ENO1: variants seen among roughly 807,000 people sequenced by gnomAD.
The protein encoded by ENO1 is enolase 1.
Under a neutral mutation model 46.3 loss-of-function variants are expected in ENO1, and 33 were observed. The observed-to-expected ratio is 0.71, with a 90% CI of 0.54 to 0.95. The LOEUF is 0.95. ENO1 is among the 40% of genes least tolerant of loss of function. ENO1 has a pLI of 0.00. For missense variants in ENO1, 488 were observed against 553.3 expected, an observed-to-expected ratio of 0.88 and a Z score of 1.18; for synonymous variants, 220 against 216.0, an observed-to-expected ratio of 1.02 and a Z score of -0.16.
At position 8,861,140 on chromosome 1, in the gene ENO1, G is replaced by A; in HGVS notation, c.*220C>T. Reference sequence around the variant, plus strand: ...GTGAGGCGAGAAAAACAATGACTTGGGCCAATTACACGACTGCAAAGCTAG... The same window carrying A: ...GTGAGGCGAGAAAAACAATGACTTGAGCCAATTACACGACTGCAAAGCTAG... On this transcript the variant is annotated 3_prime_UTR_variant, in exon 12 of 12. Coordinates refer to ENST00000234590, the MANE Select transcript of ENO1 (RefSeq NM_001428.5). 1 of 520,280 alleles carries A rather than the reference G, an allele frequency of 1.9e-6. No homozygotes were observed. Among genetic ancestry groups the A allele is most frequent in the Non-Finnish European group, 3.4e-6 (1 of 291,824 alleles). 32.2% of individuals were successfully genotyped at this position (520,280 alleles called of 1,614,324 possible).
At chr1:8,871,214 T>C in intron 3 of ENO1, 1 of 1,046,500 alleles carries the variant, frequency 9.6e-7, no homozygotes, top group East Asian at 7.5e-5. Context: ...TTTCACAACC[T>C]GATTTCATCA....
Position 8,874,863 on chromosome 1 carries a change from C to G in ENO1, c.46G>C (p.Gly16Arg). Reference protein sequence around the residue: ...IHAREIFDSRGNPTVEVDLFT... With the variant: ...IHAREIFDSRRNPTVEVDLFT... ...AGATCAACCTCAACAGTGGGATTCC[C>G]GCGAGAGTCAAAGATCTCCCTGGCA... The change falls in exon 2 of 12, where the codon GGG (glycine) becomes CGG (arginine). Residue 16 changes from glycine to arginine, a missense_variant. Coordinates refer to ENST00000234590, the MANE Select transcript of ENO1 (RefSeq NM_001428.5). 6.2e-7 allele frequency: 1 copy of G among 1,613,630 alleles called. No homozygotes were observed. The highest frequency in any genetic ancestry group is 8.5e-7 in the Non-Finnish European group (1 of 1,179,798).
chr1:8,874,577 C>CAAAAAAAAAAAAA (rs140269736), intron 2 of ENO1, among the ~76,000 whole-genome samples: 88 of 51,462 alleles, frequency 1.7e-3, no homozygotes, highest in Middle Eastern at 0.019. Flanking sequence ...GACTCCATCT[C>CAAAAAAAAAAAAA]AAAAAAAAAA....
intron 4 of ENO1, among the ~76,000 whole-genome samples, chr1:8,869,665 T>G (rs766034752): frequency 6.6e-6 from 1 of 152,178 alleles, no homozygotes; most frequent in Non-Finnish European, 1.5e-5. Context: ...CTTCAAGCGA[T>G]TCTCATGTCT....
intron 5 of ENO1, 111 bp downstream of exon 5, chr1:8,867,877 C>G (rs1199142748): frequency 3.1e-6 from 3 of 978,844 alleles, no homozygotes; most frequent in Non-Finnish European, 4.7e-6. Context: ...GAAGAGACCA[C>G]AGGCTCATGT....
At chr1:8,872,725 C>T (rs1431441904) in intron 2 of ENO1, among the ~76,000 whole-genome samples, 2 of 152,106 alleles carry the variant, frequency 1.3e-5, no homozygotes, top group African/African-American at 4.8e-5. Flanking sequence ...GGTAATTTAA[C>T]TGGCTCAGGA....
At chr1:8,870,759 A>G in intron 3 of ENO1, 11 of 1,420,124 alleles carry the variant, frequency 7.7e-6, no homozygotes, top group Non-Finnish European at 9.2e-6. Context: ...ATCTGACTGG[A>G]GGTTAGTTTG....
At chr1:8,876,854 T>A (rs59571770) in intron 1 of ENO1, among the ~76,000 whole-genome samples, 10,959 of 151,888 alleles carry the variant, frequency 0.072, 1,208 homozygotes, top group African/African-American at 0.24. Flanking sequence ...ATTTTTTTTT[T>A]ATTTTTTGAG....
intron 3 of ENO1, chr1:8,871,554 G>A (rs1642633030): frequency 1.9e-6 from 2 of 1,073,710 alleles, no homozygotes; most frequent in Admixed American, 4.8e-5. Flanking sequence ...CCTCCTGGGA[G>A]ATGGGGAAAC....
chr1:8,878,607 G>C lies in ENO1; in HGVS notation c.-37C>G, dbSNP rs774377720. ...AGCCACTGGGTCTCGTCGCCTAGGA[G>C]AGGAAGCGGAGGGTGCTGCAGACAC... On this transcript the variant is annotated 5_prime_UTR_variant, in exon 1 of 12. Coordinates refer to ENST00000234590, the MANE Select transcript of ENO1 (RefSeq NM_001428.5). 4.4e-6 allele frequency: 2 copies of C among 455,960 alleles called. No individual in the cohort carries two copies. Among genetic ancestry groups the C allele is most frequent in the African/African-American group, 4.0e-5 (2 of 50,074 alleles). The allele number at this position is 455,960 out of a possible 1,614,324, so 28.2% of individuals were successfully genotyped here.
intron 2 of ENO1, among the ~76,000 whole-genome samples, chr1:8,873,585 ACCCTCAGGGTT>A (rs1642675535): frequency 6.6e-6 from 1 of 152,172 alleles, no homozygotes; most frequent in Non-Finnish European, 1.5e-5. Flanking sequence ...TCCTGTGAGA[ACCCTCAGGGTT>A]CCCCATAAAG....
chr1:8,864,291 A>G (rs898887581), intron 8 of ENO1, among the ~76,000 whole-genome samples, 199 bp from the exon 9 acceptor site: 1 of 152,074 alleles, frequency 6.6e-6, no homozygotes, highest in Admixed American at 6.5e-5. Flanking sequence ...AAAGTCACCC[A>G]CAATCCTGGG....
rs1213802547 is a variant in ENO1, at chr1:8,865,457, A to C, written c.693T>G (p.Ile231Met). 1 of 1,613,288 alleles carries C rather than the reference A, an allele frequency of 6.2e-7. No homozygotes were observed. Among genetic ancestry groups the C allele is most frequent in the Non-Finnish European group, 8.5e-7 (1 of 1,180,034 alleles). The stretch of plus-strand genomic sequence containing the variant: ...CCTTATCAGTGTAGCCAGCTTTCCC[A>C]ATAGCAGTCTTCAGCAGCTCCAGGC... ...KEGLELLKTA[I>M]GKAGYTDKVV... Residue 231 changes from isoleucine (I) to methionine (M), a missense_variant, in exon 8 of 12, where the codon ATT becomes ATG. By Grantham distance (10) the Ile-to-Met change is conservative. Coordinates refer to ENST00000234590, the MANE Select transcript of ENO1 (RefSeq NM_001428.5).
intron 5 of ENO1, among the ~76,000 whole-genome samples, chr1:8,867,766 G>A (rs1371729822): frequency 6.6e-6 from 1 of 152,064 alleles, no homozygotes; most frequent in Non-Finnish European, 1.5e-5. Flanking sequence ...TCCTGACCTC[G>A]TGATCCACCT....
At chr1:8,866,965 A>G in intron 6 of ENO1, 152 bp downstream of exon 6, 9 of 1,196,042 alleles carry the variant, frequency 7.5e-6, no homozygotes, top group Non-Finnish European at 1.0e-5. Flanking sequence ...AGGCAAGTTG[A>G]GTTACCTGCT....
intron 3 of ENO1, 117 bp from the exon 4 acceptor site, chr1:8,870,627 G>A (rs1368919197): frequency 1.3e-6 from 2 of 1,538,810 alleles, no homozygotes; most frequent in Non-Finnish European, 1.7e-6. Flanking sequence ...GACCTTCTGT[G>A]GGACCTCTTC....
At position 8,871,609 on chromosome 1, in the gene ENO1, C is replaced by G; in HGVS notation, c.181+282G>C. On this transcript the variant is annotated intron_variant, in intron 3 of 11. Coordinates refer to ENST00000234590, the MANE Select transcript of ENO1 (RefSeq NM_001428.5). ...CCTGTTCTCATGCTTGGGTTCCTGTCCTAACCGTGAAGGAGTATTTCGCAG... is the reference window on the plus strand; with the variant it reads ...CCTGTTCTCATGCTTGGGTTCCTGTGCTAACCGTGAAGGAGTATTTCGCAG... The G allele has an allele frequency of 2.5e-6, 3 of 1,221,774 alleles. No homozygotes were observed. The South Asian group carries it at 6.7e-5, about 27-fold the overall frequency. The allele number at this position is 1,221,774 out of a possible 1,614,324, so 75.7% of individuals were successfully genotyped here.
At chr1:8,863,388 GTT>G in intron 9 of ENO1, 45 bp from the exon 10 acceptor site, 1 of 1,573,100 alleles carries the variant, frequency 6.4e-7, no homozygotes, top group Non-Finnish European at 8.6e-7. Flanking sequence ...CCATTTTCTG[GTT>G]CCATAACCCC....
Position 8,870,373 on chromosome 1 carries a change from C to G in ENO1, c.240+79G>C, listed in dbSNP as rs1047586836. 2.2e-5 allele frequency: 34 copies of G among 1,573,126 alleles called. No individual in the cohort carries two copies. The African/African-American group carries it at 3.5e-4, about 16-fold the overall frequency. ...TCTACAGCTCTCAGAATAAGCTCTT[C>G]CATAAACAGGAAAGCCCCTGGGCCT... On this transcript the variant is annotated intron_variant, in intron 4 of 11. Coordinates refer to ENST00000234590, the MANE Select transcript of ENO1 (RefSeq NM_001428.5).
Sources: allele counts gnomAD v4.1 joint callset (sites outside exome capture counted in the v4.1 genomes callset), GRCh38; gene constraint gnomAD v4.1.1; transcripts MANE v1.5; gene names NCBI Gene and HGNC (gene_info 2026-07-23, HGNC 2026-07-21).